TSNAXIP1: variants seen among roughly 807,000 people sequenced by gnomAD.
The protein encoded by TSNAXIP1 is translin-associated factor X-interacting protein 1.
Under a neutral mutation model 84.8 loss-of-function variants are expected in TSNAXIP1, and 89 were observed. The ratio of observed to expected loss-of-function variants is 1.05; its 90% CI spans 0.88 to 1.25. The LOEUF (loss-of-function observed/expected upper bound fraction) is 1.25. Among genes scored for constraint, TSNAXIP1 ranks in the 50% most tolerant of loss-of-function variants. The probability of loss-of-function intolerance (pLI) is 0.00; values close to 1 mark genes in which losing one functional copy is unlikely to be tolerated. For missense variants in TSNAXIP1, 874 were observed against 887.6 expected, an observed-to-expected ratio of 0.98 and a Z score of 0.20; for synonymous variants, 347 against 335.2, an observed-to-expected ratio of 1.04 and a Z score of -0.39.
chr16:67,817,571 C>T (rs1254165365), intron 2 of TSNAXIP1, among the ~76,000 whole-genome samples: 5 of 149,480 alleles, frequency 3.3e-5, no homozygotes, highest in Admixed American at 2.6e-4. Context: ...TAAGCCACCG[C>T]GCCCGGCCAA....
intron 1 of TSNAXIP1, among the ~76,000 whole-genome samples, chr16:67,813,155 C>T (rs934362603): frequency 3.3e-5 from 5 of 151,658 alleles, no homozygotes; most frequent in African/African-American, 7.3e-5. Context: ...GGGAGGTGGA[C>T]GTGGGTGGAT....
intron 7 of TSNAXIP1, 152 bp downstream of exon 7, chr16:67,825,424 GTATC>G: frequency 1.6e-6 from 2 of 1,224,282 alleles, no homozygotes; most frequent in South Asian, 3.0e-5. Context: ...GCAGGGCTGT[GTATC>G]TTCTGAGTTG....
chr16:67,822,533 G>T (rs567726764), intron 4 of TSNAXIP1, among the ~76,000 whole-genome samples: 1 of 151,606 alleles, frequency 6.6e-6, no homozygotes, highest in South Asian at 2.1e-4. Flanking sequence ...CAAGCTTAAG[G>T]AACCAGCACA....
chr16:67,823,821 A>G, intron 5 of TSNAXIP1, 102 bp downstream of exon 5: 1 of 949,996 alleles, frequency 1.1e-6, no homozygotes, highest in South Asian at 1.4e-5. Flanking sequence ...GTTTGAGACC[A>G]GCCTGGCCAA....
At chr16:67,807,230 G>A in intron 1 of TSNAXIP1, 34 bp downstream of exon 1, 13 of 1,535,952 alleles carry the variant, frequency 8.5e-6, no homozygotes, top group Non-Finnish European at 1.1e-5. Flanking sequence ...CAGAGATGAG[G>A]GTTTGAGTAC....
chr16:67,814,039 G>A (rs1000009892), intron 1 of TSNAXIP1, among the ~76,000 whole-genome samples: 5 of 152,218 alleles, frequency 3.3e-5, no homozygotes, highest in African/African-American at 4.8e-5. Context: ...GGCCCATGGG[G>A]TTCTCTGGGT....
intron 1 of TSNAXIP1, among the ~76,000 whole-genome samples, chr16:67,811,402 A>C (rs898418409): frequency 6.7e-6 from 1 of 150,354 alleles, no homozygotes. Flanking sequence ...TGCTTCCAGC[A>C]TGAGCAAGAA....
At chr16:67,808,944 T>C (rs1016893544) in intron 1 of TSNAXIP1, among the ~76,000 whole-genome samples, 7 of 151,256 alleles carry the variant, frequency 4.6e-5, no homozygotes, top group African/African-American at 7.3e-5. Flanking sequence ...CCCAATACTT[T>C]GGGAGGCCAA....
chr16:67,812,874 G>A (rs2056217962), intron 1 of TSNAXIP1, among the ~76,000 whole-genome samples: 1 of 152,114 alleles, frequency 6.6e-6, no homozygotes, highest in Non-Finnish European at 1.5e-5. Context: ...GCTTCCCAAA[G>A]TGCTGGGATT....
chr16:67,808,568 C>G (rs1273232477), intron 1 of TSNAXIP1, among the ~76,000 whole-genome samples: 1 of 148,906 alleles, frequency 6.7e-6, no homozygotes, highest in Non-Finnish European at 1.5e-5. Flanking sequence ...AGCGAGACTA[C>G]GTCTCAAAAA....
chr16:67,816,778 C>G (rs1182603905), intron 2 of TSNAXIP1, among the ~76,000 whole-genome samples: 7 of 152,096 alleles, frequency 4.6e-5, no homozygotes, highest in African/African-American at 9.6e-5. Context: ...ACGGAGCGCC[C>G]GGGAGCACTG....
intron 1 of TSNAXIP1, among the ~76,000 whole-genome samples, chr16:67,809,331 G>A (rs906313093): frequency 6.7e-6 from 1 of 149,484 alleles, no homozygotes; most frequent in Non-Finnish European, 1.5e-5. Context: ...AGCCAGGTGT[G>A]GTGGCTTGCA....
Position 67,824,723 on chromosome 16 carries a change from A to T in TSNAXIP1, c.622A>T (p.Asn208Tyr). The T allele has an allele frequency of 6.2e-7, 1 of 1,614,174 alleles. No homozygotes were observed. Among genetic ancestry groups the T allele is most frequent in the East Asian group, 2.2e-5 (1 of 44,884 alleles). The change falls in exon 6 of 16, where the codon AAC becomes TAC. Residue 208 changes from asparagine (N) to tyrosine (Y), a missense_variant. Physicochemically the swap from Asn to Tyr is moderately radical, Grantham distance 143. Transcript: ENST00000561639. The stretch of plus-strand genomic sequence containing the variant: ...CTCCCTGCTCAAGAAAGAGAAGATG[A>T]ACTTGCTAAAACTCATCGACAAAAA... ...EISLLKKEKM[N>Y]LLKLIDKKNE... is the part of the protein sequence containing the mutation.
rs1463183600 is a variant in TSNAXIP1, at chr16:67,825,905, C to A, written c.985-12C>A. On this transcript the variant is annotated splice_polypyrimidine_tract_variant and intron_variant, in intron 8 of 15. Transcript: ENST00000561639. ...ACAGGTGGGGGGCCAGGGCCAATGT[C>A]CTTGCCCACAGCTGGACACCCTGAG... 1 of 1,614,046 alleles carries A rather than the reference C, an allele frequency of 6.2e-7. No individual in the cohort carries two copies. Among genetic ancestry groups the A allele is most frequent in the Non-Finnish European group, 8.5e-7 (1 of 1,180,014 alleles).
intron 2 of TSNAXIP1, among the ~76,000 whole-genome samples, chr16:67,817,454 C>T (rs1337382531): frequency 1.9e-5 from 2 of 104,238 alleles, no homozygotes; most frequent in African/African-American, 7.2e-5. Flanking sequence ...CCATTTTTTG[C>T]GTTTTTAGTA....
At chr16:67,825,413 C>T (rs577258693) in intron 7 of TSNAXIP1, 141 bp downstream of exon 7, 4 of 1,251,372 alleles carry the variant, frequency 3.2e-6, no homozygotes, top group East Asian at 2.4e-5. Context: ...CCCTGCCTCC[C>T]GCAGGGCTGT....
chr16:67,809,463 AAG>A (rs1428528801), intron 1 of TSNAXIP1, among the ~76,000 whole-genome samples: 1 of 150,190 alleles, frequency 6.7e-6, no homozygotes, highest in East Asian at 2.0e-4. Context: ...ATCTCAAAAA[AAG>A]AAAGAAAATC....
chr16:67,825,871 C>G (rs369084228), intron 8 of TSNAXIP1, 35 bp downstream of exon 8: 8 of 1,613,940 alleles, frequency 5.0e-6, no homozygotes, highest in Non-Finnish European at 6.8e-6. Flanking sequence ...GAGGGTAGGA[C>G]GGGGTCTCAC....
chr16:67,813,344 G>T (rs1019009169), intron 1 of TSNAXIP1, among the ~76,000 whole-genome samples: 1 of 151,368 alleles, frequency 6.6e-6, no homozygotes, highest in Admixed American at 6.6e-5. Context: ...CTGAGATGGC[G>T]CCACTGCACT....
Sources: gnomAD v4.1 joint callset for allele counts (sites outside exome capture counted in the v4.1 genomes callset) on GRCh38, gnomAD v4.1.1 for gene constraint, MANE v1.5 for transcripts, NCBI Gene and HGNC (gene_info 2026-07-23, HGNC 2026-07-21) for gene names.